Variants in SPATA9 observed in about 807,000 individuals in gnomAD.
SPATA9 encodes the protein spermatogenesis-associated protein 9.
In SPATA9, 27 loss-of-function variants were observed where a neutral mutation model predicts 25.5. The observed-to-expected ratio is 1.06, with a 90% CI of 0.78 to 1.46. SPATA9 has a LOEUF of 1.46. Ranked by LOEUF, SPATA9 falls within the 40% of genes most tolerant of loss-of-function variation. The pLI, the probability that SPATA9 is intolerant of heterozygous loss-of-function variation, is 0.00. For missense variants in SPATA9, 282 were observed against 297.5 expected, an observed-to-expected ratio of 0.95 and a Z score of 0.38; for synonymous variants, 102 against 105.7, an observed-to-expected ratio of 0.97 and a Z score of 0.21.
intron 3 of SPATA9, among the ~76,000 whole-genome samples, chr5:95,673,456 A>G (rs1442524927): frequency 1.3e-5 from 2 of 152,128 alleles, no homozygotes; most frequent in Non-Finnish European, 1.5e-5. Flanking sequence ...TGGGTAGTGT[A>G]AGATCTCAGA....
At chr5:95,673,294 G>A (rs1752591127) in intron 3 of SPATA9, among the ~76,000 whole-genome samples, 1 of 152,158 alleles carries the variant, frequency 6.6e-6, no homozygotes, top group Non-Finnish European at 1.5e-5. Context: ...TAGGGAACCA[G>A]CACAAGATAC....
At chr5:95,708,504 C>A in the SPATA9 span, 5 of 691,676 alleles carry the variant, frequency 7.2e-6, no homozygotes, top group Non-Finnish European at 5.3e-6. Flanking sequence ...TGGTTGATCC[C>A]CCAAAGTAGG....
At chr5:95,704,361 A>G in the SPATA9 span, among the ~76,000 whole-genome samples, 1 of 152,232 alleles carries the variant, frequency 6.6e-6, no homozygotes, top group Non-Finnish European at 1.5e-5. Context: ...CGTGGCAGAC[A>G]CATGACTGTA....
intron 3 of SPATA9, among the ~76,000 whole-genome samples, chr5:95,674,096 G>A (rs1379427631): frequency 4.6e-5 from 7 of 152,164 alleles, no homozygotes; most frequent in Admixed American, 6.5e-5. Context: ...GAATCCAGTG[G>A]TTGGCAAACA....
chr5:95,722,566 C>T, the SPATA9 span, among the ~76,000 whole-genome samples: 3 of 152,122 alleles, frequency 2.0e-5, no homozygotes, highest in East Asian at 1.9e-4. Flanking sequence ...CCTCGGCTCA[C>T]GCAACCTCCG....
upstream of SPATA9, chr5:95,701,154 G>T (rs1049608965): frequency 1.4e-4 from 22 of 152,126 alleles, no homozygotes; most frequent in African/African-American, 3.9e-4. Flanking sequence ...TACAATTCTA[G>T]AATTCTAATT....
At chr5:95,723,105 C>T in the SPATA9 span, among the ~76,000 whole-genome samples, 6 of 152,032 alleles carry the variant, frequency 3.9e-5, no homozygotes, top group Admixed American at 3.9e-4. Context: ...TCAGGGCTTC[C>T]CTGGGCCACA....
chr5:95,685,773 A>T (rs966422528), upstream of SPATA9, among the ~76,000 whole-genome samples: 3 of 152,238 alleles, frequency 2.0e-5, no homozygotes, highest in Admixed American at 6.5e-5. Context: ...ATCTAAAAGT[A>T]TCAATACAAA....
At chr5:95,722,204 C>A in the SPATA9 span, among the ~76,000 whole-genome samples, 8 of 151,996 alleles carry the variant, frequency 5.3e-5, no homozygotes, top group African/African-American at 1.7e-4. Context: ...ACACAGCAAG[C>A]AAAGGGAGTG....
At chr5:95,723,974 A>G in the SPATA9 span, among the ~76,000 whole-genome samples, 2 of 152,246 alleles carry the variant, frequency 1.3e-5, no homozygotes, top group Admixed American at 1.3e-4. Context: ...GAAAATTTTT[A>G]ATAGATGAGA....
At chr5:95,655,681 A>C (rs1026830306), downstream of SPATA9, among the ~76,000 whole-genome samples, 1 of 152,182 alleles carries the variant, frequency 6.6e-6, no homozygotes, top group Non-Finnish European at 1.5e-5. Flanking sequence ...TTATATCTGA[A>C]CCTTACAGTT....
the SPATA9 span, among the ~76,000 whole-genome samples, chr5:95,714,553 G>C: frequency 1.3e-5 from 2 of 152,196 alleles, no homozygotes; most frequent in Non-Finnish European, 2.9e-5. Context: ...TTTGAAGGCT[G>C]TTGGTGACCT....
At chr5:95,690,390 G>C (rs984350119) in intron 1 of SPATA9, among the ~76,000 whole-genome samples, 1 of 152,152 alleles carries the variant, frequency 6.6e-6, no homozygotes, top group Non-Finnish European at 1.5e-5. Context: ...AATGAACCAG[G>C]ACTCCTAAAG....
intron 3 of SPATA9, among the ~76,000 whole-genome samples, chr5:95,667,700 T>C (rs527552028): frequency 6.6e-6 from 1 of 152,276 alleles, no homozygotes; most frequent in African/African-American, 2.4e-5. Flanking sequence ...TGTTCAATCA[T>C]TGGTAGGCCA....
upstream of SPATA9, chr5:95,701,448 T>C (rs966659257): frequency 4.6e-5 from 7 of 152,130 alleles, no homozygotes; most frequent in African/African-American, 1.7e-4. Flanking sequence ...AAAAATATTT[T>C]TTATCATATT....
At chr5:95,681,364 G>A (rs973858158) in intron 2 of SPATA9, among the ~76,000 whole-genome samples, 2 of 152,134 alleles carry the variant, frequency 1.3e-5, no homozygotes, top group African/African-American at 2.4e-5. Context: ...AGTGGAATAT[G>A]CTTCCCTGCC....
At chr5:95,720,455 C>A in the SPATA9 span, among the ~76,000 whole-genome samples, 1 of 152,240 alleles carries the variant, frequency 6.6e-6, no homozygotes, top group South Asian at 2.1e-4. Flanking sequence ...TAATAAAATG[C>A]ACTGGTTGAA....
chr5:95,705,904 T>C, the SPATA9 span, among the ~76,000 whole-genome samples: 1 of 152,250 alleles, frequency 6.6e-6, no homozygotes, highest in Non-Finnish European at 1.5e-5. Context: ...GATTTTCTTT[T>C]TTGATATTCC....
At chr5:95,731,065 C>A in the SPATA9 span, 1 of 1,095,184 alleles carries the variant, frequency 9.1e-7, no homozygotes, top group Non-Finnish European at 1.1e-6. Context: ...GCGAGTTGAA[C>A]AAACTTGCTG....
Sources: gnomAD v4.1 joint callset for allele counts (sites outside exome capture counted in the v4.1 genomes callset) on GRCh38, gnomAD v4.1.1 for gene constraint, MANE v1.5 for transcripts, NCBI Gene and HGNC (gene_info 2026-07-23, HGNC 2026-07-21) for gene names.